Variants in SHANK2 observed in about 807,000 individuals in gnomAD.
SHANK2 encodes the protein SH3 and multiple ankyrin repeat domains protein 2.
In SHANK2, 43 loss-of-function variants were observed where a neutral mutation model predicts 133.7. The observed-to-expected ratio is 0.32, with a 90% CI of 0.25 to 0.41. The LOEUF is 0.41. SHANK2 is among the 10% of genes least tolerant of loss of function. The pLI, the probability that SHANK2 is intolerant of heterozygous loss-of-function variation, is 1.00. For synonymous variants in SHANK2, 1,017 were observed against 952.8 expected, an observed-to-expected ratio of 1.07 and a Z score of -1.24; for missense variants, 1,994 against 2,235.8, an observed-to-expected ratio of 0.89 and a Z score of 2.18.
rs368203041 is a variant in SHANK2 at position 71,133,956 on chromosome 11, C to T, written c.207+13164G>A. On this transcript the variant is annotated intron_variant, in intron 3 of 25. Coordinates refer to ENST00000601538, the MANE Select transcript of SHANK2 (RefSeq NM_012309.5). ...TTTTTTTTTTTTAGGGAAGGGGTCT[C>T]ATTACGTTGCCCAGGTGATCCCCCT... Among the ~76,000 whole-genome samples, 5 of 148,180 alleles carry T rather than the reference C, an allele frequency of 3.4e-5. No homozygotes were observed. The East Asian group carries it at 7.9e-4, about 23-fold the overall frequency.
chr11:71,251,583 C>T (rs554766560), intron 1 of SHANK2, among the ~76,000 whole-genome samples: 80 of 151,594 alleles, frequency 5.3e-4, no homozygotes, highest in African/African-American at 1.9e-3. Flanking sequence ...GATGCCCGGG[C>T]GAAAGTTGCC....
intron 17 of SHANK2, among the ~76,000 whole-genome samples, chr11:70,586,221 G>GC (rs147235849): frequency 0.013 from 2,020 of 152,252 alleles, 51 homozygotes; most frequent in African/African-American, 0.046. Flanking sequence ...CCAGGAGTCA[G>GC]CAAGGGAGAG....
In SHANK2 at chr11:71,059,293, C is replaced by A. The variant is rs1950959452; in HGVS notation, c.1030-2735G>T. Among the ~76,000 whole-genome samples, 3 of 152,222 alleles carry A rather than the reference C, an allele frequency of 2.0e-5. No individual in the cohort carries two copies. The South Asian group carries it at 6.2e-4, about 32-fold the overall frequency. On this transcript the variant is annotated intron_variant, in intron 9 of 25. Coordinates refer to ENST00000601538, the MANE Select transcript of SHANK2 (RefSeq NM_012309.5). ...GAAGGAAATAGGGAGCAGCTGCCAA[C>A]AGGTCCTGGGTTTCAGTCTGGGTGA...
At position 70,569,705 on chromosome 11, in the gene SHANK2, C is replaced by T. The variant is rs1220029271; in HGVS notation, c.2062-66774G>A. ...CAGTGATTGGTTGAGGGATGGTCAT[C>T]CAGGCCAATCAGAATCCTGCCTGGG... On this transcript the variant is annotated intron_variant, in intron 17 of 25. Transcript: ENST00000601538. The surrounding 1 kb of genome is among the most constrained non-coding windows in gnomAD (Gnocchi z 5.1). Among the ~76,000 whole-genome samples, 1 of 152,088 alleles carries T rather than the reference C, an allele frequency of 6.6e-6. No individual in the cohort carries two copies. Among genetic ancestry groups the T allele is most frequent in the African/African-American group, 2.4e-5 (1 of 41,406 alleles).
intron 11 of SHANK2, among the ~76,000 whole-genome samples, chr11:70,867,864 G>A (rs782439838): frequency 7.2e-5 from 11 of 152,090 alleles, no homozygotes; most frequent in South Asian, 2.1e-4. Flanking sequence ...GCCGGCCCCC[G>A]CCTCCCGCCC....
At chr11:70,476,463 G>A (rs1555150139) in intron 25 of SHANK2, among the ~76,000 whole-genome samples, 1 of 152,194 alleles carries the variant, frequency 6.6e-6, no homozygotes, top group Non-Finnish European at 1.5e-5. Flanking sequence ...AACTGGGGGT[G>A]CTGTGGCCTG....
chr11:71,189,604 T>A (rs370476422), intron 2 of SHANK2, among the ~76,000 whole-genome samples: 1 of 152,334 alleles, frequency 6.6e-6, no homozygotes, highest in East Asian at 1.9e-4. Context: ...TTCTCCATGT[T>A]GCCCAGGCTG....
intron 14 of SHANK2, among the ~76,000 whole-genome samples, chr11:70,744,274 G>C (rs118184013): frequency 2.0e-5 from 3 of 152,206 alleles, no homozygotes; most frequent in Non-Finnish European, 4.4e-5. Context: ...TTGTGGGCTC[G>C]GGCGATCAGA....
intron 2 of SHANK2, among the ~76,000 whole-genome samples, chr11:71,168,222 C>T (rs1260021876): frequency 2.3e-5 from 3 of 132,940 alleles, no homozygotes; most frequent in African/African-American, 6.1e-5. Context: ...ACATCTCAGA[C>T]GATGGGCGGC....
intron 12 of SHANK2, among the ~76,000 whole-genome samples, chr11:70,819,263 G>T (rs571472629): frequency 6.6e-6 from 1 of 152,248 alleles, no homozygotes; most frequent in African/African-American, 2.4e-5. Context: ...CCCTTGCTAC[G>T]TTCTGGCTGT....
intron 11 of SHANK2, among the ~76,000 whole-genome samples, chr11:70,858,597 A>G (rs1284454758): frequency 6.6e-6 from 1 of 152,214 alleles, no homozygotes. Flanking sequence ...CTTGCTAAAG[A>G]CAGTTATCCA....
intron 4 of SHANK2, among the ~76,000 whole-genome samples, chr11:71,114,107 A>C (rs1834012216): frequency 6.6e-6 from 1 of 152,186 alleles, no homozygotes; most frequent in Non-Finnish European, 1.5e-5. Flanking sequence ...CCTCTGTTCC[A>C]ATCCCAGCCC....
chr11:70,738,072 G>A (rs150841208), intron 14 of SHANK2, among the ~76,000 whole-genome samples: 1 of 152,388 alleles, frequency 6.6e-6, no homozygotes, highest in Non-Finnish European at 1.5e-5. Context: ...CAAGACGGTG[G>A]CAAGAGCTCC....
At chr11:70,648,613 A>C (rs1465281456) in intron 17 of SHANK2, among the ~76,000 whole-genome samples, 5 of 152,216 alleles carry the variant, frequency 3.3e-5, no homozygotes, top group Non-Finnish European at 7.3e-5. Context: ...TCCCCCTGTA[A>C]ACCCCTCAGG....
intron 11 of SHANK2, among the ~76,000 whole-genome samples, chr11:70,889,458 CG>C (rs1318845634): frequency 1.3e-5 from 2 of 152,162 alleles, no homozygotes; most frequent in African/African-American, 4.8e-5. Flanking sequence ...CCCCGGGAAC[CG>C]GGTACACAGC....
intron 11 of SHANK2, among the ~76,000 whole-genome samples, chr11:70,861,677 C>T (rs1162156403): frequency 6.6e-6 from 1 of 152,146 alleles, no homozygotes; most frequent in Non-Finnish European, 1.5e-5. Flanking sequence ...TCTTTGACTC[C>T]TCTGGGCAGG....
At chr11:71,112,056 A>C (rs1951898925) in intron 5 of SHANK2, among the ~76,000 whole-genome samples, 2 of 152,230 alleles carry the variant, frequency 1.3e-5, no homozygotes, top group Non-Finnish European at 2.9e-5. Context: ...CAACTTGAGC[A>C]CAAAAATCAA....
At chr11:71,077,849 C>A (rs1487650730) in intron 8 of SHANK2, among the ~76,000 whole-genome samples, 1 of 152,138 alleles carries the variant, frequency 6.6e-6, no homozygotes, top group Admixed American at 6.5e-5. Context: ...AAATACAGTA[C>A]AGGAGAAAAC....
At chr11:70,627,509 C>T (rs147271314) in intron 17 of SHANK2, among the ~76,000 whole-genome samples, 69 of 152,308 alleles carry the variant, frequency 4.5e-4, no homozygotes, top group African/African-American at 1.7e-3. Flanking sequence ...AGCCTAACCC[C>T]GCTGTCCTGA....
Sources: allele counts gnomAD v4.1 joint callset (sites outside exome capture counted in the v4.1 genomes callset), GRCh38; gene constraint gnomAD v4.1.1; non-coding constraint Gnocchi (gnomAD v3.1); transcripts MANE v1.5; gene names NCBI Gene and HGNC (gene_info 2026-07-23, HGNC 2026-07-21).